CIAPIN1: variants seen among roughly 807,000 people sequenced by gnomAD.
CIAPIN1 encodes cytokine induced apoptosis inhibitor 1, also known as anamorsin.
A neutral mutation model predicts 34.3 loss-of-function variants in CIAPIN1; 18 were observed. That is an observed-to-expected ratio of 0.52 (90% CI 0.36 to 0.78). The LOEUF (loss-of-function observed/expected upper bound fraction) is 0.78. Ranked by LOEUF, CIAPIN1 falls within the 30% of genes least tolerant of loss-of-function variation. The pLI is 0.00. For synonymous variants in CIAPIN1, 131 were observed against 140.4 expected (o/e 0.93, Z 0.47); for missense variants, 310 against 372.5 (o/e 0.83, Z 1.38).
At chr16:57,443,494 G>A (rs113304786) in intron 1 of CIAPIN1, among the ~76,000 whole-genome samples, 6,818 of 152,104 alleles carry the variant, frequency 0.045, 191 homozygotes, top group Middle Eastern at 0.088. Context: ...GTCTCACTCC[G>A]TCACCCAGGC....
At chr16:57,433,945 T>C in intron 5 of CIAPIN1, 99 bp downstream of exon 5, 2 of 1,073,770 alleles carry the variant, frequency 1.9e-6, no homozygotes, top group Non-Finnish European at 2.9e-6. Context: ...AAAGGACTAA[T>C]CCTCTAAAAA....
Position 57,439,228 on chromosome 16 carries a change from C to T in CIAPIN1, c.264G>A (p.Arg88=). The change falls in exon 3 of 9, where the codon CGG becomes CGA. Residue 88 remains arginine, a synonymous_variant. Coordinates refer to ENST00000394391, the MANE Select transcript of CIAPIN1 (RefSeq NM_020313.4). Reference sequence around the variant, plus strand: ...CCTTCAGAAAAAGACATCCACCAGGCCGAAGGATCCGGGCGATTTCAGCCA... The same window carrying T: ...CCTTCAGAAAAAGACATCCACCAGGTCGAAGGATCCGGGCGATTTCAGCCA... ...EILAEIARIL[R]PGGCLFLKEP... 6.2e-7 allele frequency: 1 copy of T among 1,614,118 alleles called. No individual in the cohort carries two copies. The highest frequency in any genetic ancestry group is 1.1e-5 in the South Asian group (1 of 91,082).
intron 8 of CIAPIN1, among the ~76,000 whole-genome samples, chr16:57,429,684 G>A (rs1458601210): frequency 1.3e-5 from 2 of 152,024 alleles, no homozygotes; most frequent in East Asian, 1.9e-4. Context: ...AGTAGAGACG[G>A]GGTTTCACCA....
chr16:57,446,388 C>A (rs577548295), intron 1 of CIAPIN1, among the ~76,000 whole-genome samples: 1 of 152,288 alleles, frequency 6.6e-6, no homozygotes, highest in East Asian at 1.9e-4. Flanking sequence ...GTCTTCCCCG[C>A]ACCCGTGCAG....
intron 3 of CIAPIN1, among the ~76,000 whole-genome samples, chr16:57,438,905 C>T (rs1198029649): frequency 3.9e-5 from 6 of 152,206 alleles, no homozygotes; most frequent in African/African-American, 9.7e-5. Context: ...TGCTGCATCA[C>T]TTTCCATATT....
intron 1 of CIAPIN1, among the ~76,000 whole-genome samples, chr16:57,446,168 A>G (rs916987255): frequency 6.6e-6 from 1 of 152,126 alleles, no homozygotes; most frequent in East Asian, 1.9e-4. Flanking sequence ...GAGAATCAAC[A>G]ATGAAACAGG....
intron 8 of CIAPIN1, among the ~76,000 whole-genome samples, chr16:57,429,735 G>A (rs531936025): frequency 3.3e-4 from 50 of 150,390 alleles, no homozygotes; most frequent in East Asian, 9.9e-4. Context: ...CTCGTGATCC[G>A]CCCTCCTTGG....
rs749912851 is a variant in CIAPIN1 at position 57,440,750 on chromosome 16, GACA to G, written c.157+19_157+21del. 10 of 1,596,740 alleles carry G rather than the reference GACA, an allele frequency of 6.3e-6. No individual in the cohort carries two copies. In the Admixed American group the frequency reaches 1.4e-4, roughly 22 times the overall value. On this transcript the variant is annotated intron_variant, in intron 2 of 8. Transcript: ENST00000394391. ...ATGGAAACCCCTCCAGCCTCATAAA[GACA>G]ACGTGGGTGGGTACTTACATTGCAA...
intron 2 of CIAPIN1, 76 bp downstream of exon 2, chr16:57,440,696 T>C (rs1903309954): frequency 1.4e-6 from 2 of 1,477,724 alleles, no homozygotes; most frequent in Non-Finnish European, 9.1e-7. Context: ...AACTCAGATA[T>C]CAAGGAACCA....
intron 1 of CIAPIN1, among the ~76,000 whole-genome samples, chr16:57,446,176 A>C (rs1439015310): frequency 6.6e-6 from 1 of 152,182 alleles, no homozygotes. Context: ...ACAATGAAAC[A>C]GGAACGTCTC....
chr16:57,434,534 G>A (rs185158429), intron 4 of CIAPIN1, among the ~76,000 whole-genome samples: 36 of 152,238 alleles, frequency 2.4e-4, no homozygotes, highest in African/African-American at 8.2e-4. Context: ...CTGTGTAACA[G>A]GAAAGAATGC....
At chr16:57,447,289 G>A in intron 1 of CIAPIN1, 53 bp downstream of exon 1, 1 of 400,294 alleles carries the variant, frequency 2.5e-6, no homozygotes, top group Non-Finnish European at 4.4e-6. Flanking sequence ...GGGTGGGCCG[G>A]GAGGGGACAG....
chr16:57,431,407 T>C (rs1903084601), intron 6 of CIAPIN1, 141 bp from the exon 7 acceptor site: 3 of 560,994 alleles, frequency 5.3e-6, no homozygotes, highest in East Asian at 2.8e-5. Context: ...TTGATCATCA[T>C]GTTCAACCTG....
Position 57,439,112 on chromosome 16 carries a change from C to T in CIAPIN1, c.310+70G>A, listed in dbSNP as rs557867102. 152 of 1,495,774 alleles carry T rather than the reference C, an allele frequency of 1.0e-4. 2 individuals are homozygous for T. In the South Asian group the frequency reaches 1.1e-3, roughly 11 times the overall value. The allele number at this position is 1,495,774 out of a possible 1,614,324, so 92.7% of individuals were successfully genotyped here. On this transcript the variant is annotated intron_variant, in intron 3 of 8. Coordinates refer to ENST00000394391, the MANE Select transcript of CIAPIN1 (RefSeq NM_020313.4). ...ATCTCCCAATGATACCTCCTGCTCA[C>T]GGAGATGCAGCACACATACTCTAAG...
intron 7 of CIAPIN1, chr16:57,430,548 G>A (rs1398813033): frequency 9.5e-6 from 5 of 527,672 alleles, no homozygotes; most frequent in Admixed American, 3.2e-5. Context: ...TGTGTGCTCT[G>A]TCTACAGAGG....
At chr16:57,431,962 G>A (rs1204513753) in intron 6 of CIAPIN1, among the ~76,000 whole-genome samples, 2 of 152,150 alleles carry the variant, frequency 1.3e-5, no homozygotes, top group East Asian at 1.9e-4. Context: ...TCAACATATC[G>A]TATGAAGTGA....
chr16:57,430,443 T>C, intron 7 of CIAPIN1, 104 bp from the exon 8 acceptor site: 2 of 1,041,326 alleles, frequency 1.9e-6, no homozygotes, highest in Non-Finnish European at 3.0e-6. Context: ...TTCACACCAG[T>C]GTCATAACTC....
rs577353353 is a variant in CIAPIN1, at chr16:57,433,119, CT to C, written c.557-560del. On this transcript the variant is annotated intron_variant, in intron 5 of 8. Transcript: ENST00000394391. ...CCTGCTACATACAAGAAAATAGGCT[CT>C]AGAGCTGCTGGTGGCAAGGTAACAC... 2.6e-4 allele frequency among the ~76,000 whole-genome samples: 39 copies of C among 152,338 alleles called. No homozygotes were observed. The South Asian group carries it at 7.5e-3, about 29-fold the overall frequency.
At chr16:57,445,764 G>A (rs1343191996) in intron 1 of CIAPIN1, among the ~76,000 whole-genome samples, 2 of 146,154 alleles carry the variant, frequency 1.4e-5, no homozygotes, top group Non-Finnish European at 1.5e-5. Context: ...ACGGGAGACA[G>A]ACAAGAAGAC....
Sources: gnomAD v4.1 joint callset for allele counts (sites outside exome capture counted in the v4.1 genomes callset) on GRCh38, gnomAD v4.1.1 for gene constraint, MANE v1.5 for transcripts, NCBI Gene and HGNC (gene_info 2026-07-23, HGNC 2026-07-21) for gene names.